ZC3H13: variants seen among roughly 807,000 people sequenced by gnomAD.
ZC3H13 encodes zinc finger CCCH domain-containing protein 13.
ZC3H13 carries 64 observed loss-of-function variants against 204.1 expected under a neutral mutation model. The ratio of observed to expected loss-of-function variants is 0.31; its 90% CI spans 0.26 to 0.39. ZC3H13 has a LOEUF of 0.39. Ranked by LOEUF, ZC3H13 falls within the 10% of genes least tolerant of loss-of-function variation. ZC3H13 has a pLI of 1.00. For missense variants in ZC3H13, 1,833 were observed against 2,082.7 expected, an observed-to-expected ratio of 0.88 and a Z score of 2.33; for synonymous variants, 667 against 693.7, an observed-to-expected ratio of 0.96 and a Z score of 0.60.
chr13:45,963,929 T>C lies in ZC3H13; in HGVS notation c.4588A>G (p.Arg1530Gly). The change falls in exon 17 of 19, where the codon AGA becomes GGA. Residue 1530 changes from arginine (R) to glycine (G), a missense_variant. Arg to Gly is a moderately radical substitution (Grantham distance 125). Coordinates refer to ENST00000679008, the MANE Select transcript of ZC3H13 (RefSeq NM_001330564.2). ...GCCAACTTTTTAGAAATCCCAACTC[T>C]TAGCATAACAGCTCCAGGTGTGAAT... ...LKFTPGAVML[R>G]VGISKKLAGS... 6.2e-7 allele frequency: 1 copy of C among 1,614,166 alleles called. No individual in the cohort carries two copies. Among genetic ancestry groups the C allele is most frequent in the Non-Finnish European group, 8.5e-7 (1 of 1,180,020 alleles).
intron 4 of ZC3H13, among the ~76,000 whole-genome samples, chr13:46,039,256 T>C (rs556160955): frequency 6.6e-6 from 1 of 152,180 alleles, no homozygotes; most frequent in Non-Finnish European, 1.5e-5. Context: ...CTTTATTTGA[T>C]GAACATAAAA....
rs74936566 is a variant in ZC3H13 at position 45,962,248 on chromosome 13, A to C, written c.4675+1594T>G. The C allele has an allele frequency of 1.8e-3, 1,764 of 985,406 alleles. 22 individuals carry two copies. The African/African-American group carries it at 0.028, about 16-fold the overall frequency. 61.0% of individuals were successfully genotyped at this position (985,406 alleles called of 1,614,324 possible). ...TCTCTAATACAACCACCATAGCAGC[A>C]AAAATAGAAGAAGTCTGATTGTTAA... On this transcript the variant is annotated intron_variant, in intron 17 of 18. Coordinates refer to ENST00000679008, the MANE Select transcript of ZC3H13 (RefSeq NM_001330564.2).
At chr13:46,008,311 T>G (rs2041295838) in intron 7 of ZC3H13, among the ~76,000 whole-genome samples, 1 of 100,194 alleles carries the variant, frequency 1.0e-5, no homozygotes, top group South Asian at 3.4e-4. Context: ...TGCATAAATG[T>G]TATACTCCAA....
At position 45,975,385 on chromosome 13, in the gene ZC3H13, T is replaced by C; in HGVS notation, c.2366A>G (p.Asp789Gly). 1 of 1,614,100 alleles carries C rather than the reference T, an allele frequency of 6.2e-7. No individual in the cohort carries two copies. Among genetic ancestry groups the C allele is most frequent in the Non-Finnish European group, 8.5e-7 (1 of 1,180,006 alleles). The change falls in exon 12 of 19, where the codon GAT becomes GGT. Residue 789 changes from aspartate to glycine, a missense_variant. Physicochemically the swap from Asp to Gly is moderately conservative, Grantham distance 94. Transcript: ENST00000679008. ...TCGTCCTTTGTCTTTGTCTTCCCAA[T>C]CCCTTTGGCGTTCTCGTTCTTTATC... ...ERDKERERQR[D>G]WEDKDKGRDD...
At chr13:46,023,578 C>T (rs2042352524) in intron 4 of ZC3H13, among the ~76,000 whole-genome samples, 1 of 152,032 alleles carries the variant, frequency 6.6e-6, no homozygotes, top group African/African-American at 2.4e-5. Context: ...TTCCAACTCC[C>T]CTGACTTAGA....
rs1566219877 is a variant in ZC3H13 at position 45,988,977 on chromosome 13, A to C, written c.1065T>G (p.Pro355=). Residue 355 remains proline (P), a synonymous_variant, in exon 9 of 19, where the codon CCT becomes CCG. Coordinates refer to ENST00000679008, the MANE Select transcript of ZC3H13 (RefSeq NM_001330564.2). Reference sequence around the variant, plus strand: ...TTAGTGTCCGCTGATAAGATGGTGAAGGAGTTCTTTTTCGACGAGGAGAAG... The same window carrying C: ...TTAGTGTCCGCTGATAAGATGGTGACGGAGTTCTTTTTCGACGAGGAGAAG... ...HSPSPRRKRT[P]SPSYQRTLTP... is the part of the protein sequence containing the mutation. 6 of 1,613,866 alleles carry C rather than the reference A, an allele frequency of 3.7e-6. No individual in the cohort carries two copies. The highest frequency in any genetic ancestry group is 4.2e-6 in the Non-Finnish European group (5 of 1,179,948).
At chr13:46,036,908 G>A (rs936581009) in intron 4 of ZC3H13, among the ~76,000 whole-genome samples, 4 of 151,868 alleles carry the variant, frequency 2.6e-5, no homozygotes, top group African/African-American at 7.3e-5. Context: ...TAGTAGAGAC[G>A]GGGTTTTGCT....
chr13:46,028,891 A>T (rs2042704529), intron 4 of ZC3H13, among the ~76,000 whole-genome samples: 2 of 152,146 alleles, frequency 1.3e-5, no homozygotes, highest in Non-Finnish European at 2.9e-5. Flanking sequence ...ACCTTAGAAA[A>T]CAACAAAAAG....
chr13:46,028,982 A>G (rs2042710386), intron 4 of ZC3H13, among the ~76,000 whole-genome samples: 1 of 152,142 alleles, frequency 6.6e-6, no homozygotes, highest in South Asian at 2.1e-4. Context: ...GAAAACAGAA[A>G]TTCAATAGAG....
rs1255014183 is a variant in ZC3H13, at chr13:45,957,131, G to A, written c.5006C>T (p.Ser1669Phe). The change falls in exon 19 of 19, where the codon TCT becomes TTT. Residue 1669 changes from serine (S) to phenylalanine (F), a missense_variant. Transcript: ENST00000679008. Reference protein sequence around the residue: ...QSSIQQELCVS With the variant: ...QSSIQQELCVF ...ATACCATATTGAACTTCGGTCTTAA[G>A]ACACACACAGTTCCTGTTGGATACT... 6.6e-7 allele frequency: 1 copy of A among 1,519,158 alleles called. No homozygotes were observed. The highest frequency in any genetic ancestry group is 1.4e-5 in the African/African-American group (1 of 72,316). The allele number at this position is 1,519,158 out of a possible 1,614,324, so 94.1% of individuals were successfully genotyped here.
At chr13:46,017,188 C>A (rs1206699067) in intron 5 of ZC3H13, among the ~76,000 whole-genome samples, 1 of 152,070 alleles carries the variant, frequency 6.6e-6, no homozygotes, top group African/African-American at 2.4e-5. Flanking sequence ...GGCTAGGTAA[C>A]AGGAAAACAA....
intron 17 of ZC3H13, 63 bp downstream of exon 17, chr13:45,963,779 C>A (rs886226973): frequency 8.1e-6 from 13 of 1,603,272 alleles, no homozygotes; most frequent in East Asian, 2.2e-5. Context: ...AGATCAGAAT[C>A]CCCTTCAGAT....
intron 1 of ZC3H13, among the ~76,000 whole-genome samples, chr13:46,048,888 T>C (rs2139253808): frequency 6.6e-6 from 1 of 152,114 alleles, no homozygotes; most frequent in East Asian, 1.9e-4. Flanking sequence ...CCCAGCACTT[T>C]GGGAGGCCAA....
At chr13:46,041,537 C>T (rs2043586225) in intron 4 of ZC3H13, among the ~76,000 whole-genome samples, 1 of 152,094 alleles carries the variant, frequency 6.6e-6, no homozygotes, top group Non-Finnish European at 1.5e-5. Context: ...CTGAGGCGTA[C>T]ACTTTTAATG....
At position 45,988,795 on chromosome 13, in the gene ZC3H13, C is replaced by T; in HGVS notation, c.1247G>A (p.Arg416Lys). Residue 416 changes from arginine to lysine, a missense_variant, in exon 9 of 19, where the codon AGG (arginine) becomes AAG (lysine). By Grantham distance (26) the Arg-to-Lys change is conservative. Around this residue, in one of 5 missense-constraint regions of ZC3H13, gnomAD observed 1,574 missense variants for 1,757.2 expected, o/e 0.90. Transcript: ENST00000679008. ...CAAAGTACAGTACACACCTTCCCTCCTTTCATGGCGTCGATCATGAGACTG... is the reference window on the plus strand; with the variant it reads ...CAAAGTACAGTACACACCTTCCCTCTTTTCATGGCGTCGATCATGAGACTG... ...TSQSHDRRHE[R>K]REDTRGKRDR... 1 of 1,612,092 alleles carries T rather than the reference C, an allele frequency of 6.2e-7. No individual in the cohort carries two copies. Among genetic ancestry groups the T allele is most frequent in the African/African-American group, 1.3e-5 (1 of 74,990 alleles).
At chr13:46,009,479 A>G (rs2041389349) in intron 7 of ZC3H13, among the ~76,000 whole-genome samples, 1 of 152,104 alleles carries the variant, frequency 6.6e-6, no homozygotes, top group Non-Finnish European at 1.5e-5. Context: ...GCAAAAAGTT[A>G]AGTAGAGTCT....
intron 4 of ZC3H13, among the ~76,000 whole-genome samples, chr13:46,027,594 A>AT: frequency 6.6e-6 from 1 of 152,344 alleles, no homozygotes; most frequent in East Asian, 1.9e-4. Flanking sequence ...AAATAGTACC[A>AT]AACCCAGTGG....
At chr13:45,968,708 C>G in intron 14 of ZC3H13, 40 bp downstream of exon 14, 1 of 1,532,164 alleles carries the variant, frequency 6.5e-7, no homozygotes, top group Non-Finnish European at 8.7e-7. Flanking sequence ...AATATACTAA[C>G]CTAGGAAACA....
Position 45,979,812 on chromosome 13 carries a change from CCT to C in ZC3H13, c.1911_1912del (p.Asp638SerfsTer14), listed in dbSNP as rs1295702040. 7 of 1,556,374 alleles carry C rather than the reference CCT, an allele frequency of 4.5e-6. No homozygotes were observed. Among genetic ancestry groups the C allele is most frequent in the South Asian group, 2.4e-5 (2 of 82,540 alleles). ...ATTTAATAAAATTCTGTTTGACAAA[CCT>C]CTCTCTCTGTTGTCACGACGGTCTC... On this transcript the variant is annotated frameshift_variant and splice_region_variant, in exon 11 of 19. Coordinates refer to ENST00000679008, the MANE Select transcript of ZC3H13 (RefSeq NM_001330564.2). LOFTEE classifies it high-confidence loss of function.
Sources: gnomAD v4.1 joint callset for allele counts (sites outside exome capture counted in the v4.1 genomes callset) on GRCh38, gnomAD v4.1.1 for gene constraint, gnomAD v4.1.1 regional missense constraint, MANE v1.5 for transcripts, NCBI Gene and HGNC (gene_info 2026-07-23, HGNC 2026-07-21) for gene names.